Variants in GRIN2B observed in about 807,000 individuals in gnomAD.
The protein encoded by GRIN2B is glutamate ionotropic receptor NMDA type subunit 2B, also known as glutamate receptor ionotropic, NMDA 2B.
Under a neutral mutation model 114.5 loss-of-function variants are expected in GRIN2B, and 5 were observed. That is an observed-to-expected ratio of 0.04 (90% CI 0.02 to 0.09). The LOEUF (loss-of-function observed/expected upper bound fraction) is 0.09, where lower values mean the gene tolerates loss of function less well. GRIN2B is among the 10% of genes least tolerant of loss of function. The probability of loss-of-function intolerance (pLI) is 1.00; values close to 1 mark genes in which losing one functional copy is unlikely to be tolerated. For missense variants in GRIN2B, 1,108 were observed against 1,943.5 expected (o/e 0.57, Z 8.08); for synonymous variants, 787 against 745.1 (o/e 1.06, Z -0.92).
intron 3 of GRIN2B, among the ~76,000 whole-genome samples, chr12:13,859,229 C>G (rs554862001): frequency 2.0e-5 from 3 of 152,198 alleles, no homozygotes; most frequent in African/African-American, 7.2e-5. Context: ...TCTGCATTCT[C>G]TCCTTGTGCT....
intron 10 of GRIN2B, among the ~76,000 whole-genome samples, chr12:13,583,863 G>A (rs1805471): frequency 0.052 from 7,870 of 152,146 alleles, 277 homozygotes; most frequent in East Asian, 0.17. Context: ...GACTGAGGAA[G>A]GACACTGTGA....
intron 2 of GRIN2B, among the ~76,000 whole-genome samples, chr12:13,880,151 G>T (rs1866049066): frequency 6.6e-6 from 1 of 152,214 alleles, no homozygotes; most frequent in Non-Finnish European, 1.5e-5. Flanking sequence ...CACAGGGACT[G>T]CCCTGGCCTT....
chr12:13,959,006 AT>A (rs998378573), intron 2 of GRIN2B, among the ~76,000 whole-genome samples: 1 of 152,202 alleles, frequency 6.6e-6, no homozygotes, highest in African/African-American at 2.4e-5. Flanking sequence ...ACATTTGGAT[AT>A]TCTCTAAAAA....
chr12:13,816,819 T>C lies in GRIN2B; in HGVS notation c.411+48979A>G, dbSNP rs566158302. On this transcript the variant is annotated intron_variant, in intron 3 of 13. Transcript: ENST00000609686. ...TTTAAAATTCAGATGTTTCTTCCTC[T>C]TTTATTGGGGAACGGGCTGGTAAAG... 2.6e-5 allele frequency among the ~76,000 whole-genome samples: 4 copies of C among 152,350 alleles called. No individual in the cohort carries two copies. In the South Asian group the frequency reaches 8.3e-4, roughly 32 times the overall value.
At chr12:13,940,722 G>GA (rs71436784) in intron 2 of GRIN2B, among the ~76,000 whole-genome samples, 1 of 148,622 alleles carries the variant, frequency 6.7e-6, no homozygotes, top group Non-Finnish European at 1.5e-5. Context: ...CTGGCTGGTA[G>GA]AAAAAAAGGG....
chr12:13,595,692 T>G (rs529316063), intron 10 of GRIN2B, among the ~76,000 whole-genome samples: 31 of 152,242 alleles, frequency 2.0e-4, no homozygotes, highest in African/African-American at 7.2e-4. Context: ...CCTCTCCTCA[T>G]TAGCAACCTG....
chr12:13,727,763 G>T (rs1863017681), intron 4 of GRIN2B, among the ~76,000 whole-genome samples: 1 of 152,158 alleles, frequency 6.6e-6, no homozygotes, highest in African/African-American at 2.4e-5. Context: ...GAAGAGGGAA[G>T]GCTGTGAGTA....
intron 2 of GRIN2B, among the ~76,000 whole-genome samples, chr12:13,944,435 C>G (rs538586804): frequency 3.9e-5 from 6 of 152,192 alleles, no homozygotes; most frequent in Non-Finnish European, 5.9e-5. Flanking sequence ...CTACTTGAGA[C>G]GCTTCTCCCA....
intron 3 of GRIN2B, among the ~76,000 whole-genome samples, chr12:13,825,170 T>C (rs370091153): frequency 6.6e-6 from 1 of 152,162 alleles, no homozygotes; most frequent in East Asian, 1.9e-4. Context: ...CTTTGTGATT[T>C]CTTTTTTGAC....
At chr12:13,954,669 G>A (rs953295907) in intron 2 of GRIN2B, among the ~76,000 whole-genome samples, 3 of 151,392 alleles carry the variant, frequency 2.0e-5, no homozygotes, top group African/African-American at 4.9e-5. Flanking sequence ...AAAATTACCT[G>A]GGTGCGATGG....
chr12:13,906,193 C>T (rs1253282578), intron 2 of GRIN2B, among the ~76,000 whole-genome samples: 1 of 152,198 alleles, frequency 6.6e-6, no homozygotes. Context: ...AATAGCCACA[C>T]AGCCATATTC....
chr12:13,615,780 G>T lies in GRIN2B; in HGVS notation c.1329-116C>A. 1 of 818,312 alleles carries T rather than the reference G, an allele frequency of 1.2e-6. No individual in the cohort carries two copies. Among genetic ancestry groups the T allele is most frequent in the Non-Finnish European group, 2.1e-6 (1 of 466,088 alleles). 50.7% of individuals were successfully genotyped at this position (818,312 alleles called of 1,614,324 possible). A position where few individuals can be genotyped will look rare whatever the true frequency, so the allele number is the denominator to read the frequency against. ...AATCCCAAAGCAGGCCCCCTTCACA[G>T]CTCAGCACAATTTATACTAGACTCG... On this transcript the variant is annotated intron_variant, in intron 6 of 13. Coordinates refer to ENST00000609686, the MANE Select transcript of GRIN2B (RefSeq NM_000834.5). This position sits in a 1 kb window ranked among gnomAD's most constrained non-coding sequence, Gnocchi z 5.8.
chr12:13,730,215 A>G (rs1230633754), intron 4 of GRIN2B, among the ~76,000 whole-genome samples: 2 of 152,238 alleles, frequency 1.3e-5, no homozygotes, highest in Non-Finnish European at 2.9e-5. Context: ...TAAAACTATA[A>G]TGGAAGAAAT....
At chr12:13,597,159 G>C (rs1411021535) in intron 10 of GRIN2B, among the ~76,000 whole-genome samples, 1 of 152,158 alleles carries the variant, frequency 6.6e-6, no homozygotes, top group Non-Finnish European at 1.5e-5. Context: ...CTCAAAGGGT[G>C]GACATAAAGA....
intron 3 of GRIN2B, among the ~76,000 whole-genome samples, chr12:13,779,618 C>T (rs531910007): frequency 2.0e-4 from 31 of 152,242 alleles, no homozygotes; most frequent in Admixed American, 9.2e-4. Flanking sequence ...AATTCATGTG[C>T]TTCTGTTCAT....
At chr12:13,790,143 C>T (rs1421806695) in intron 3 of GRIN2B, among the ~76,000 whole-genome samples, 3 of 152,236 alleles carry the variant, frequency 2.0e-5, no homozygotes, top group African/African-American at 4.8e-5. Flanking sequence ...CTCTCCTCTC[C>T]TGGCCTCCAT....
intron 4 of GRIN2B, among the ~76,000 whole-genome samples, chr12:13,702,132 T>G (rs996026450): frequency 2.0e-5 from 3 of 152,224 alleles, no homozygotes; most frequent in African/African-American, 7.2e-5. Context: ...GTAATTGTTC[T>G]TCCATTATCA....
intron 5 of GRIN2B, among the ~76,000 whole-genome samples, chr12:13,650,087 T>G (rs1949799842): frequency 6.6e-6 from 1 of 152,058 alleles, no homozygotes; most frequent in Non-Finnish European, 1.5e-5. Flanking sequence ...GTTTGCCTTA[T>G]GAACAAAGCA....
At chr12:13,786,775 G>GTCA (rs1864229958) in intron 3 of GRIN2B, among the ~76,000 whole-genome samples, 1 of 152,130 alleles carries the variant, frequency 6.6e-6, no homozygotes, top group Non-Finnish European at 1.5e-5. Flanking sequence ...GGGGAAGAAA[G>GTCA]GGAAACTGAC....
Sources: allele counts gnomAD v4.1 joint callset (sites outside exome capture counted in the v4.1 genomes callset), GRCh38; gene constraint gnomAD v4.1.1; non-coding constraint Gnocchi (gnomAD v3.1); transcripts MANE v1.5; gene names NCBI Gene and HGNC (gene_info 2026-07-23, HGNC 2026-07-21).